SLC43A2: variants seen among roughly 807,000 people sequenced by gnomAD.
The protein encoded by SLC43A2 is solute carrier family 43 member 2.
In SLC43A2, 38 loss-of-function variants were observed where a neutral mutation model predicts 63.2. That is an observed-to-expected ratio of 0.60 (90% CI 0.46 to 0.79). The LOEUF (loss-of-function observed/expected upper bound fraction) is 0.79, where lower values mean the gene tolerates loss of function less well. Among genes scored for constraint, SLC43A2 ranks in the 30% least tolerant of loss-of-function variants. The pLI is 0.00. For missense variants in SLC43A2, 644 were observed against 756.2 expected (o/e 0.85, Z 1.74); for synonymous variants, 322 against 331.0 (o/e 0.97, Z 0.30).
chr17:1,575,885 AGGAAG>A, intron 13 of SLC43A2, 120 bp from the exon 14 acceptor site: 1 of 1,171,056 alleles, frequency 8.5e-7, no homozygotes, highest in South Asian at 1.6e-5. Context: ...GGAACGAAAC[AGGAAG>A]GCCCACGAGG....
At chr17:1,627,192 A>G (rs1305875868) in intron 2 of SLC43A2, among the ~76,000 whole-genome samples, 1 of 152,202 alleles carries the variant, frequency 6.6e-6, no homozygotes, top group Non-Finnish European at 1.5e-5. Flanking sequence ...CAGCAAAAAT[A>G]GACAAGAAAT....
In SLC43A2 at chr17:1,593,020, G is replaced by A. The variant is rs1422457150; in HGVS notation, c.594+167C>T. Among the ~76,000 whole-genome samples, 7 of 151,852 alleles carry A rather than the reference G, an allele frequency of 4.6e-5. No homozygotes were observed. The highest frequency in any genetic ancestry group is 1.9e-4 in the East Asian group (1 of 5,156). On this transcript the variant is annotated intron_variant, in intron 6 of 13. Coordinates refer to ENST00000301335, the MANE Select transcript of SLC43A2 (RefSeq NM_152346.3). The surrounding 1 kb of genome is among the most constrained non-coding windows in gnomAD (Gnocchi z 5.3). ...CGTGATTCCCGTCCCCTGAGGCCCC[G>A]CGGTTTTCATTTGTCGCCCCTGTGA... is the stretch of plus-strand genomic sequence containing the variant.
At position 1,600,150 on chromosome 17, in the gene SLC43A2, ATAT is replaced by A. The variant is rs200979076; in HGVS notation, c.502-6874_502-6872del. Among the ~76,000 whole-genome samples, 356 of 77,510 alleles carry A rather than the reference ATAT, an allele frequency of 4.6e-3. 1 individual carries two copies. The highest frequency in any genetic ancestry group is 0.016 in the African/African-American group (320 of 19,934). 50.8% of individuals were successfully genotyped at this position (77,510 alleles called of 152,430 possible). ...ATATTAATTGAATATATATATATAT[ATAT>A]TTTTTTTTTTTTTTTGAGACGGAGT... On this transcript the variant is annotated intron_variant, in intron 5 of 13. Coordinates refer to ENST00000301335, the MANE Select transcript of SLC43A2 (RefSeq NM_152346.3).
rs902649283 is a variant in SLC43A2, at chr17:1,605,583, C to T, written c.501+7612G>A. Among the ~76,000 whole-genome samples the T allele has an allele frequency of 1.3e-4, 3 of 22,332 alleles. No homozygotes were observed. Among genetic ancestry groups the T allele is most frequent in the East Asian group, 2.7e-3 (2 of 746 alleles). The allele number at this position is 22,332 out of a possible 152,430, so 14.7% of individuals were successfully genotyped here. ...GGAGCTGGGTGGTGGGTGGGGGCTG[C>T]GGAGCTGGGAGGTGGGTGGGGGCTG... is the stretch of plus-strand genomic sequence containing the variant. On this transcript the variant is annotated intron_variant, in intron 5 of 13. Transcript: ENST00000301335. The surrounding 1 kb of genome is among the most constrained non-coding windows in gnomAD (Gnocchi z 4.9).
At chr17:1,622,425 C>T (rs1457312136) in intron 2 of SLC43A2, among the ~76,000 whole-genome samples, 1 of 151,878 alleles carries the variant, frequency 6.6e-6, no homozygotes, top group African/African-American at 2.4e-5. Context: ...TTTAGCCAGG[C>T]GTGGTGGCGG....
intron 3 of SLC43A2, chr17:1,616,345 G>A (rs113880026): frequency 8.9e-6 from 5 of 560,838 alleles, no homozygotes; most frequent in African/African-American, 3.8e-5. Context: ...TGGGCGGCCT[G>A]GAGCCTGGAG....
chr17:1,586,059 G>A lies in SLC43A2; in HGVS notation c.1079-8C>T, dbSNP rs1411457865. 6.3e-7 allele frequency: 1 copy of A among 1,579,254 alleles called. No individual in the cohort carries two copies. Among genetic ancestry groups the A allele is most frequent in the South Asian group, 1.1e-5 (1 of 87,304 alleles). ...TGGAGGTGTAGAGGCCAACTGTGGA[G>A]GAAGGCGCTGCGTCATGGGGACGCC... On this transcript the variant is annotated splice_region_variant and splice_polypyrimidine_tract_variant and intron_variant, in intron 9 of 13. Coordinates refer to ENST00000301335, the MANE Select transcript of SLC43A2 (RefSeq NM_152346.3).
intron 5 of SLC43A2, among the ~76,000 whole-genome samples, chr17:1,612,826 G>C (rs941074794): frequency 6.6e-6 from 1 of 152,194 alleles, no homozygotes; most frequent in African/African-American, 2.4e-5. Context: ...ACAAAAATTA[G>C]CCGGGTGTGG....
rs1422279813 is a variant in SLC43A2 at position 1,571,910 on chromosome 17, G to A, written c.*3694C>T. The A allele has an allele frequency of 6.6e-6, 1 of 152,482 alleles. No homozygotes were observed. Among genetic ancestry groups the A allele is most frequent in the Non-Finnish European group, 1.5e-5 (1 of 68,340 alleles). The allele number at this position is 152,482 out of a possible 1,614,324, so 9.4% of individuals were successfully genotyped here. ...GGGCAGTGTTTCGGCAGCAGACCCA[G>A]ACCCAGACTCAGACCCAAGCCCCCC... On this transcript the variant is annotated 3_prime_UTR_variant, in exon 14 of 14. Coordinates refer to ENST00000301335, the MANE Select transcript of SLC43A2 (RefSeq NM_152346.3). This position sits in a 1 kb window ranked among gnomAD's most constrained non-coding sequence, Gnocchi z 5.2.
rs200375825 is a variant in SLC43A2, at chr17:1,597,438, G to A, written c.502-4159C>T. 7.9e-5 allele frequency among the ~76,000 whole-genome samples: 12 copies of A among 150,948 alleles called. No individual in the cohort carries two copies. The East Asian group carries it at 2.3e-3, about 29-fold the overall frequency. ...GAGAATTGCTTGAACCCGGGTGGTG[G>A]AGGTTGCAGTGAGCCAAGATTGTGC... is the stretch of plus-strand genomic sequence containing the variant. On this transcript the variant is annotated intron_variant, in intron 5 of 13. Transcript: ENST00000301335.
At chr17:1,596,725 G>A (rs767066717) in intron 5 of SLC43A2, among the ~76,000 whole-genome samples, 142 of 152,144 alleles carry the variant, frequency 9.3e-4, no homozygotes, top group Non-Finnish European at 1.7e-3. Flanking sequence ...TCCCATTGCA[G>A]GTATGTGCCA....
chr17:1,583,367 AG>A lies in SLC43A2; in HGVS notation c.1218-32del. The A allele has an allele frequency of 6.2e-7, 1 of 1,608,460 alleles. No homozygotes were observed. The highest frequency in any genetic ancestry group is 8.5e-7 in the Non-Finnish European group (1 of 1,175,410). ...GAGACACAGAACGTGCAGGGGTGGG[AG>A]GGCTCCCCGGAGGAAGCCGGGTGCT... is the stretch of plus-strand genomic sequence containing the variant. On this transcript the variant is annotated intron_variant, in intron 10 of 13. Transcript: ENST00000301335. This position sits in a 1 kb window ranked among gnomAD's most constrained non-coding sequence, Gnocchi z 5.5.
chr17:1,607,902 G>C (rs1439954586), intron 5 of SLC43A2, among the ~76,000 whole-genome samples: 1 of 152,098 alleles, frequency 6.6e-6, no homozygotes, highest in Non-Finnish European at 1.5e-5. Context: ...TTTTAGTAGA[G>C]ACGGGGTTTC....
chr17:1,603,325 G>A (rs573716561), intron 5 of SLC43A2: 22 of 152,164 alleles, frequency 1.4e-4, no homozygotes, highest in Admixed American at 6.5e-4. Flanking sequence ...TTATTCTGTT[G>A]TGACCACACA....
intron 2 of SLC43A2, among the ~76,000 whole-genome samples, chr17:1,620,374 C>CACAA (rs933961491): frequency 3.3e-5 from 5 of 152,078 alleles, no homozygotes; most frequent in Non-Finnish European, 5.9e-5. Context: ...TCTCCAAACA[C>CACAA]ACAAACAAAC....
rs201908715 is a variant in SLC43A2, at chr17:1,613,263, C to T, written c.433G>A (p.Val145Met). The part of the protein sequence containing the change: ...YGASKPNALS[V>M]LIFIALALNG... ...AGAGCCAGGGCGATGAAGATGAGCACGGAGAGAGCTGCAGGGACATGGAAA... is the reference window on the plus strand; with the variant it reads ...AGAGCCAGGGCGATGAAGATGAGCATGGAGAGAGCTGCAGGGACATGGAAA... Residue 145 changes from valine to methionine, a missense_variant, in exon 5 of 14, where the codon GTG becomes ATG. Physicochemically the swap from Val to Met is conservative, Grantham distance 21. Transcript: ENST00000301335. 4.3e-5 allele frequency: 70 copies of T among 1,614,080 alleles called. No homozygotes were observed. The highest frequency in any genetic ancestry group is 2.2e-4 in the Admixed American group (13 of 60,010).
intron 5 of SLC43A2, among the ~76,000 whole-genome samples, chr17:1,594,739 C>T (rs368475271): frequency 8.4e-4 from 128 of 151,498 alleles, no homozygotes; most frequent in African/African-American, 2.9e-3. Context: ...AGGCGCCCGC[C>T]ACCACACCCG....
At chr17:1,587,068 C>T in intron 9 of SLC43A2, 1 of 1,215,216 alleles carries the variant, frequency 8.2e-7, no homozygotes. Context: ...CCATGCCCAG[C>T]ACGCACTGCA....
intron 10 of SLC43A2, chr17:1,585,708 T>G (rs1365416300): frequency 3.3e-6 from 5 of 1,514,398 alleles, no homozygotes; most frequent in Non-Finnish European, 4.4e-6. Context: ...GCATTTCCAT[T>G]GCATTCCAAA....
Sources: allele counts gnomAD v4.1 joint callset (sites outside exome capture counted in the v4.1 genomes callset), GRCh38; gene constraint gnomAD v4.1.1; non-coding constraint Gnocchi (gnomAD v3.1); transcripts MANE v1.5; gene names NCBI Gene and HGNC (gene_info 2026-07-23, HGNC 2026-07-21).